Variants in TRIM2 observed in about 807,000 individuals in gnomAD.
TRIM2 encodes the protein tripartite motif-containing protein 2.
Under a neutral mutation model 75.2 loss-of-function variants are expected in TRIM2, and 20 were observed. That is an observed-to-expected ratio of 0.27 (90% confidence interval 0.19 to 0.39). The LOEUF (loss-of-function observed/expected upper bound fraction) is 0.39, where lower values mean the gene tolerates loss of function less well. Among genes scored for constraint, TRIM2 ranks in the 10% least tolerant of loss-of-function variants. The probability of loss-of-function intolerance (pLI) is 1.00; values close to 1 mark genes in which losing one functional copy is unlikely to be tolerated. For synonymous variants in TRIM2, 373 were observed against 388.3 expected (o/e 0.96, Z 0.46); for missense variants, 660 against 990.8 (o/e 0.67, Z 4.48).
intron 6 of TRIM2, among the ~76,000 whole-genome samples, chr4:153,299,785 C>T (rs1763482127): frequency 6.6e-6 from 1 of 152,192 alleles, no homozygotes; most frequent in Non-Finnish European, 1.5e-5. Flanking sequence ...GTTACCTGTT[C>T]CTAACCATCC....
intron 6 of TRIM2, among the ~76,000 whole-genome samples, chr4:153,313,862 C>A (rs545567754): frequency 6.6e-6 from 1 of 152,152 alleles, no homozygotes; most frequent in Admixed American, 6.5e-5. Flanking sequence ...GTCTCGAACT[C>A]CTGACCTCAG....
chr4:153,233,882 T>C (rs1477223589), intron 1 of TRIM2, among the ~76,000 whole-genome samples: 1 of 152,216 alleles, frequency 6.6e-6, no homozygotes, highest in Non-Finnish European at 1.5e-5. Flanking sequence ...CACGGAGGTA[T>C]GATTTCCTGT....
intron 1 of TRIM2, among the ~76,000 whole-genome samples, chr4:153,253,806 C>T (rs1751412167): frequency 6.6e-6 from 1 of 152,158 alleles, no homozygotes; most frequent in African/African-American, 2.4e-5. Context: ...CAGGAAGTTA[C>T]CCTATATGTT....
intron 3 of TRIM2, among the ~76,000 whole-genome samples, chr4:153,292,704 G>A (rs1762062814): frequency 6.6e-6 from 1 of 152,238 alleles, no homozygotes; most frequent in Non-Finnish European, 1.5e-5. Flanking sequence ...ATATAAAAAT[G>A]TTTGAGCACC....
At chr4:153,244,253 TTCCTCCTCCTCCTCCTCCTCCTCCTCC>T (rs1157048500) in intron 1 of TRIM2, among the ~76,000 whole-genome samples, 1 of 20,218 alleles carries the variant, frequency 4.9e-5, no homozygotes. Context: ...TTCCTCTTCT[TTCCTCCTCCTCCTCCTCCTCCTCCTCC>T]TCCTCCTCCT....
At chr4:153,293,475 G>C (rs371149392) in intron 4 of TRIM2, among the ~76,000 whole-genome samples, 55 of 152,298 alleles carry the variant, frequency 3.6e-4, no homozygotes, top group African/African-American at 1.2e-3. Flanking sequence ...CTTATCTGCT[G>C]TTCCTGACAC....
chr4:153,163,956 A>T (rs1016738241), intron 1 of TRIM2, among the ~76,000 whole-genome samples: 2 of 152,102 alleles, frequency 1.3e-5, no homozygotes, highest in Non-Finnish European at 2.9e-5. Flanking sequence ...ACTGTTATTA[A>T]TGATATTAGC....
intron 1 of TRIM2, among the ~76,000 whole-genome samples, chr4:153,232,229 G>A (rs1486902799): frequency 9.2e-5 from 14 of 152,136 alleles, no homozygotes; most frequent in Admixed American, 8.5e-4. Flanking sequence ...AGAGTCATGA[G>A]TAGCCAGGCG....
At chr4:153,298,513 GC>G (rs751227649) in intron 6 of TRIM2, among the ~76,000 whole-genome samples, 1 of 151,934 alleles carries the variant, frequency 6.6e-6, no homozygotes, top group Non-Finnish European at 1.5e-5. Flanking sequence ...CTGAATTAGG[GC>G]CCCGCTTTAA....
chr4:153,211,720 G>A (rs2149712749), intron 1 of TRIM2, among the ~76,000 whole-genome samples: 1 of 151,810 alleles, frequency 6.6e-6, no homozygotes, highest in Admixed American at 6.6e-5. Flanking sequence ...GAACTCCTGG[G>A]CCCAAATACT....
At chr4:153,314,323 G>A (rs1251228246) in intron 6 of TRIM2, among the ~76,000 whole-genome samples, 2 of 146,408 alleles carry the variant, frequency 1.4e-5, no homozygotes, top group African/African-American at 5.4e-5. Flanking sequence ...GGGAGGCTGA[G>A]GCAGGAGAAT....
intron 1 of TRIM2, among the ~76,000 whole-genome samples, chr4:153,156,204 TC>T (rs1729216979): frequency 6.6e-6 from 1 of 152,118 alleles, no homozygotes; most frequent in African/African-American, 2.4e-5. Context: ...GAATGGGAGC[TC>T]TCCCGGGGCC....
intron 1 of TRIM2, among the ~76,000 whole-genome samples, chr4:153,176,141 G>A (rs1205972568): frequency 6.6e-6 from 1 of 152,174 alleles, no homozygotes; most frequent in African/African-American, 2.4e-5. Context: ...ATGTATGTGT[G>A]AAGAGAAAGA....
Position 153,336,133 on chromosome 4 carries a change from TAC to T in TRIM2, c.*1177_*1178del, listed in dbSNP as rs369342093. 13 of 964,122 alleles carry T rather than the reference TAC, an allele frequency of 1.3e-5. No homozygotes were observed. The highest frequency in any genetic ancestry group is 1.5e-5 in the Non-Finnish European group (12 of 811,012). The allele number at this position is 964,122 out of a possible 1,614,324, so 59.7% of individuals were successfully genotyped here. A position where few individuals can be genotyped will look rare whatever the true frequency, so the allele number is the denominator to read the frequency against. ...AGAATGTATTATATATATATATATA[TAC>T]ACACACACATATATATAGCTGAATC... On this transcript the variant is annotated 3_prime_UTR_variant, in exon 12 of 12. Transcript: ENST00000338700.
intron 1 of TRIM2, among the ~76,000 whole-genome samples, chr4:153,263,300 G>C (rs2149997011): frequency 6.6e-6 from 1 of 152,046 alleles, no homozygotes; most frequent in Admixed American, 6.5e-5. Flanking sequence ...CTGCACTGCA[G>C]CACGGGTGAC....
chr4:153,203,817 AG>A (rs1416112675), upstream of TRIM2, among the ~76,000 whole-genome samples: 1 of 152,122 alleles, frequency 6.6e-6, no homozygotes, highest in Non-Finnish European at 1.5e-5. Context: ...ACTTGAACCC[AG>A]GAGGCTACGG....
upstream of TRIM2, among the ~76,000 whole-genome samples, chr4:153,201,066 C>G (rs1734315614): frequency 6.6e-6 from 1 of 152,036 alleles, no homozygotes; most frequent in African/African-American, 2.4e-5. Context: ...TGGGTTCAAG[C>G]AATTCTCCTT....
chr4:153,198,588 T>A (rs576545034), intron 1 of TRIM2, among the ~76,000 whole-genome samples: 11 of 152,374 alleles, frequency 7.2e-5, no homozygotes, highest in African/African-American at 2.4e-4. Context: ...TTCATCTATG[T>A]ATTATCCAAA....
At chr4:153,320,114 A>G (rs1419874868) in intron 8 of TRIM2, among the ~76,000 whole-genome samples, 1 of 152,142 alleles carries the variant, frequency 6.6e-6, no homozygotes, top group African/African-American at 2.4e-5. Context: ...CTTACCCTCC[A>G]TTTAGACATG....
Sources: gnomAD v4.1 joint callset for allele counts (sites outside exome capture counted in the v4.1 genomes callset) on GRCh38, gnomAD v4.1.1 for gene constraint, MANE v1.5 for transcripts, NCBI Gene and HGNC (gene_info 2026-07-23, HGNC 2026-07-21) for gene names.